Variants in KCNH7 observed in about 807,000 individuals in gnomAD.
The protein encoded by KCNH7 is potassium voltage-gated channel subfamily H member 7.
KCNH7 carries 49 observed loss-of-function variants against 120.8 expected under a neutral mutation model. The ratio of observed to expected loss-of-function variants is 0.41; its 90% CI spans 0.32 to 0.51. The LOEUF (loss-of-function observed/expected upper bound fraction) is 0.51. Ranked by LOEUF, KCNH7 falls within the 20% of genes least tolerant of loss-of-function variation. KCNH7 has a pLI of 0.38. For synonymous variants in KCNH7, 547 were observed against 516.1 expected, an observed-to-expected ratio of 1.06 and a Z score of -0.81; for missense variants, 1,097 against 1,446.6, an observed-to-expected ratio of 0.76 and a Z score of 3.92.
At chr2:162,524,133 T>C (rs1691622270) in intron 3 of KCNH7, among the ~76,000 whole-genome samples, 1 of 151,996 alleles carries the variant, frequency 6.6e-6, no homozygotes, top group South Asian at 2.1e-4. Context: ...GGGAGTACTC[T>C]CATGGGTTAT....
chr2:162,383,736 T>G (rs2105410450), intron 13 of KCNH7, among the ~76,000 whole-genome samples: 1 of 152,134 alleles, frequency 6.6e-6, no homozygotes, highest in South Asian at 2.1e-4. Context: ...CAGGGATATA[T>G]TAAATTATTA....
At chr2:162,511,985 T>C (rs1471896245) in intron 5 of KCNH7, among the ~76,000 whole-genome samples, 2 of 151,814 alleles carry the variant, frequency 1.3e-5, no homozygotes, top group Admixed American at 1.3e-4. Flanking sequence ...TACTATGATA[T>C]AGTAGAAAAC....
intron 2 of KCNH7, among the ~76,000 whole-genome samples, chr2:162,644,949 C>G (rs1353575605): frequency 6.6e-6 from 1 of 152,042 alleles, no homozygotes; most frequent in Non-Finnish European, 1.5e-5. Context: ...AAAATTTAGT[C>G]AATATATGTG....
intron 2 of KCNH7, among the ~76,000 whole-genome samples, chr2:162,556,121 T>C (rs888104854): frequency 1.3e-5 from 2 of 152,226 alleles, no homozygotes; most frequent in Admixed American, 1.3e-4. Context: ...TTATATTTTT[T>C]GTTAAATATA....
intron 2 of KCNH7, among the ~76,000 whole-genome samples, chr2:162,817,674 C>T (rs552256469): frequency 6.6e-6 from 1 of 152,208 alleles, no homozygotes; most frequent in Admixed American, 6.5e-5. Context: ...TTTTTAATCT[C>T]ACTGGCAATA....
intron 2 of KCNH7, among the ~76,000 whole-genome samples, chr2:162,668,515 A>G (rs1351404809): frequency 6.6e-6 from 1 of 152,198 alleles, no homozygotes; most frequent in Non-Finnish European, 1.5e-5. Flanking sequence ...TACCTGAGCC[A>G]TCTGTAAAAT....
At chr2:162,374,412 T>G (rs1686086820) in intron 14 of KCNH7, among the ~76,000 whole-genome samples, 1 of 152,166 alleles carries the variant, frequency 6.6e-6, no homozygotes, top group Non-Finnish European at 1.5e-5. Flanking sequence ...CAAAATATAA[T>G]TGGTCAGATT....
rs1210298615 is a variant in KCNH7 at position 162,471,308 on chromosome 2, A to T, written c.1129-24865T>A. Among the ~76,000 whole-genome samples, 5 of 151,896 alleles carry T rather than the reference A, an allele frequency of 3.3e-5. No individual in the cohort carries two copies. In the East Asian group the frequency reaches 9.7e-4, roughly 29 times the overall value. On this transcript the variant is annotated intron_variant, in intron 6 of 15. Transcript: ENST00000332142. The stretch of plus-strand genomic sequence containing the variant: ...TGCCCTCTGAGACTAGGTGAAGCCC[A>T]GGAATCTGAATTTTAACAAGCATCT...
At chr2:162,760,519 G>A (rs1280946004) in intron 2 of KCNH7, among the ~76,000 whole-genome samples, 1 of 151,998 alleles carries the variant, frequency 6.6e-6, no homozygotes, top group Non-Finnish European at 1.5e-5. Context: ...TAGGTTTTAA[G>A]AGAATAATCA....
intron 2 of KCNH7, among the ~76,000 whole-genome samples, chr2:162,714,145 G>A (rs1162493238): frequency 6.6e-6 from 1 of 152,152 alleles, no homozygotes; most frequent in East Asian, 1.9e-4. Flanking sequence ...GCAGGATTAT[G>A]TCTAGCTTGA....
intron 6 of KCNH7, among the ~76,000 whole-genome samples, chr2:162,453,225 G>A (rs932662979): frequency 5.3e-5 from 8 of 152,110 alleles, no homozygotes; most frequent in African/African-American, 1.9e-4. Flanking sequence ...TTGGTTTTCT[G>A]TTCCTGTGTT....
intron 2 of KCNH7, among the ~76,000 whole-genome samples, chr2:162,822,290 T>A (rs912894449): frequency 3.3e-5 from 5 of 152,002 alleles, no homozygotes; most frequent in South Asian, 2.1e-4. Context: ...ATCACATTTT[T>A]AAATTATTTT....
intron 2 of KCNH7, among the ~76,000 whole-genome samples, chr2:162,661,904 GT>G (rs1026739466): frequency 6.6e-6 from 1 of 151,820 alleles, no homozygotes; most frequent in Admixed American, 6.6e-5. Context: ...TTTATTTTTT[GT>G]TTTTTTAAAT....
Position 162,435,493 on chromosome 2 carries a change from C to A in KCNH7, c.1659G>T (p.Met553Ile), listed in dbSNP as rs1038605134. Reference sequence around the variant, plus strand: ...TCAGGGCAAAGATGCACATTAAGAGCATTAGAACAGCAGCGCCATATTCTG... The same window carrying A: ...TCAGGGCAAAGATGCACATTAAGAGAATTAGAACAGCAGCGCCATATTCTG... ...RYSEYGAAVL[M>I]LLMCIFALIA... Residue 553 changes from methionine (M) to isoleucine (I), a missense_variant, in exon 8 of 16, where the codon ATG becomes ATT. By Grantham distance (10) the Met-to-Ile change is conservative. Transcript: ENST00000332142. The A allele has an allele frequency of 7.4e-6, 12 of 1,613,656 alleles. No individual in the cohort carries two copies. The highest frequency in any genetic ancestry group is 9.3e-6 in the Non-Finnish European group (11 of 1,179,854).
At chr2:162,596,520 T>G (rs2105943252) in intron 2 of KCNH7, among the ~76,000 whole-genome samples, 1 of 152,126 alleles carries the variant, frequency 6.6e-6, no homozygotes, top group Admixed American at 6.6e-5. Context: ...ATAATGAAAT[T>G]GGACCACTAT....
At chr2:162,613,621 T>A (rs1051238859) in intron 2 of KCNH7, among the ~76,000 whole-genome samples, 1 of 151,996 alleles carries the variant, frequency 6.6e-6, no homozygotes, top group African/African-American at 2.4e-5. Context: ...TTTCCTATAT[T>A]TCAAACTTTT....
Position 162,792,894 on chromosome 2 carries a change from C to A in KCNH7, c.307+43643G>T, listed in dbSNP as rs549687398. Among the ~76,000 whole-genome samples the A allele has an allele frequency of 2.6e-5, 4 of 151,152 alleles. No homozygotes were observed. The Admixed American group carries it at 2.7e-4, about 10-fold the overall frequency. ...TTTGTTTGCTCTTAGTTGTCTAGTT[C>A]TTTCAGTTGTGATGTTAGGTTGTTA... On this transcript the variant is annotated intron_variant, in intron 2 of 15. Coordinates refer to ENST00000332142, the MANE Select transcript of KCNH7 (RefSeq NM_033272.4).
intron 2 of KCNH7, among the ~76,000 whole-genome samples, chr2:162,774,401 A>G (rs964174934): frequency 1.3e-5 from 2 of 152,202 alleles, no homozygotes; most frequent in Non-Finnish European, 2.9e-5. Flanking sequence ...GGATAGAAAC[A>G]TTCATTTCTG....
chr2:162,539,884 G>A (rs1435561025), intron 2 of KCNH7, among the ~76,000 whole-genome samples: 2 of 152,080 alleles, frequency 1.3e-5, no homozygotes, highest in Non-Finnish European at 2.9e-5. Context: ...TAGAGGAAGA[G>A]AAGAATAGAA....
Sources: allele counts gnomAD v4.1 joint callset (sites outside exome capture counted in the v4.1 genomes callset), GRCh38; gene constraint gnomAD v4.1.1; transcripts MANE v1.5; gene names NCBI Gene and HGNC (gene_info 2026-07-23, HGNC 2026-07-21).